ANAPC10: variants seen among roughly 807,000 people sequenced by gnomAD.
ANAPC10 encodes the protein anaphase promoting complex subunit 10.
ANAPC10 carries 12 observed loss-of-function variants against 22.0 expected under a neutral mutation model. The ratio of observed to expected loss-of-function variants is 0.55; its 90% confidence interval spans 0.35 to 0.88. ANAPC10 has a LOEUF of 0.88. Among genes scored for constraint, ANAPC10 ranks in the 40% least tolerant of loss-of-function variants. The probability of loss-of-function intolerance (pLI) is 0.01; values close to 1 mark genes in which losing one functional copy is unlikely to be tolerated. For synonymous variants in ANAPC10, 65 were observed against 69.5 expected, an observed-to-expected ratio of 0.94 and a Z score of 0.32; for missense variants, 188 against 220.9, an observed-to-expected ratio of 0.85 and a Z score of 0.94.
chr4:145,029,536 T>G (rs967163168), intron 4 of ANAPC10, among the ~76,000 whole-genome samples: 17 of 152,282 alleles, frequency 1.1e-4, no homozygotes, highest in African/African-American at 4.1e-4. Context: ...ATTAAAGGTA[T>G]GGATAATGGT....
chr4:144,995,689 A>G, intron 4 of ANAPC10, 86 bp from the exon 5 acceptor site: 1 of 893,270 alleles, frequency 1.1e-6, no homozygotes, highest in Non-Finnish European at 1.7e-6. Context: ...AAAATAACTT[A>G]TAATTAACAT....
intron 4 of ANAPC10, among the ~76,000 whole-genome samples, chr4:145,001,020 C>G: frequency 6.6e-6 from 1 of 151,258 alleles, no homozygotes; most frequent in East Asian, 1.9e-4. Context: ...CAGGGCCCAC[C>G]CCGGGGCCTG....
intron 2 of ANAPC10, among the ~76,000 whole-genome samples, chr4:145,089,999 AC>A (rs1246064696): frequency 6.6e-6 from 1 of 152,160 alleles, no homozygotes; most frequent in East Asian, 1.9e-4. Context: ...CTTCTACCTA[AC>A]TATACAGCTT....
intron 3 of ANAPC10, among the ~76,000 whole-genome samples, chr4:145,071,388 G>A (rs1477519606): frequency 6.6e-6 from 1 of 152,078 alleles, no homozygotes; most frequent in Non-Finnish European, 1.5e-5. Context: ...CCTGGGCAAC[G>A]AGAGTGAAAC....
intron 4 of ANAPC10, among the ~76,000 whole-genome samples, chr4:145,032,349 G>A (rs1421868405): frequency 6.6e-6 from 1 of 152,232 alleles, no homozygotes; most frequent in East Asian, 1.9e-4. Context: ...TGATTCATGG[G>A]CTGTAGCCAA....
chr4:145,031,180 A>C (rs1737519112), intron 4 of ANAPC10, among the ~76,000 whole-genome samples: 1 of 152,306 alleles, frequency 6.6e-6, no homozygotes, highest in East Asian at 1.9e-4. Context: ...TTTGTGTCAT[A>C]ATCTTATTCG....
At chr4:145,071,283 G>A (rs1262648899) in intron 3 of ANAPC10, among the ~76,000 whole-genome samples, 1 of 152,146 alleles carries the variant, frequency 6.6e-6, no homozygotes, top group Non-Finnish European at 1.5e-5. Context: ...ATGCATGCCT[G>A]TAATCCCAGC....
At chr4:145,092,010 C>A (rs1050073601) in intron 2 of ANAPC10, among the ~76,000 whole-genome samples, 1 of 152,094 alleles carries the variant, frequency 6.6e-6, no homozygotes, top group African/African-American at 2.4e-5. Context: ...GAGAACTACC[C>A]TGCCTCTCCC....
At chr4:145,006,606 G>A (rs531422255) in intron 4 of ANAPC10, among the ~76,000 whole-genome samples, 1 of 152,062 alleles carries the variant, frequency 6.6e-6, no homozygotes, top group South Asian at 2.1e-4. Context: ...ATATCAAATT[G>A]TCATTTTTGT....
chr4:145,065,420 A>G (rs1396381302), intron 3 of ANAPC10, among the ~76,000 whole-genome samples: 1 of 152,074 alleles, frequency 6.6e-6, no homozygotes, highest in East Asian at 1.9e-4. Context: ...AACAACTGAT[A>G]GTACTCAAAT....
At chr4:144,997,350 G>A (rs970944547) in intron 4 of ANAPC10, among the ~76,000 whole-genome samples, 1 of 152,156 alleles carries the variant, frequency 6.6e-6, no homozygotes, top group Admixed American at 6.5e-5. Flanking sequence ...AGGTCGGGTT[G>A]CCCACAAAGG....
chr4:145,041,097 T>C (rs1739445931), intron 4 of ANAPC10, among the ~76,000 whole-genome samples: 1 of 152,162 alleles, frequency 6.6e-6, no homozygotes, highest in African/African-American at 2.4e-5. Context: ...TGACTTCTAG[T>C]GGTCCCATAA....
At chr4:145,053,578 T>G (rs1280287103) in intron 4 of ANAPC10, 1 of 425,030 alleles carries the variant, frequency 2.4e-6, no homozygotes, top group Non-Finnish European at 4.2e-6. Flanking sequence ...TACCATCAAC[T>G]ATAATTTCAA....
intron 4 of ANAPC10, among the ~76,000 whole-genome samples, chr4:145,058,286 C>A (rs1184541569): frequency 1.3e-5 from 2 of 152,130 alleles, no homozygotes; most frequent in African/African-American, 2.4e-5. Context: ...CCTTTATGTA[C>A]ATCATGACCC....
At chr4:145,012,609 T>C (rs1180138878) in intron 4 of ANAPC10, among the ~76,000 whole-genome samples, 1 of 152,020 alleles carries the variant, frequency 6.6e-6, no homozygotes, top group Non-Finnish European at 1.5e-5. Context: ...AATGCTAACA[T>C]AAAGAAGTAG....
At chr4:145,056,596 C>T (rs1426396147) in intron 4 of ANAPC10, among the ~76,000 whole-genome samples, 14 of 152,068 alleles carry the variant, frequency 9.2e-5, no homozygotes, top group South Asian at 2.1e-4. Flanking sequence ...ATCTTTCTGG[C>T]GACCACTGAA....
intron 4 of ANAPC10, among the ~76,000 whole-genome samples, chr4:145,016,723 C>G (rs575150153): frequency 1.3e-5 from 2 of 152,294 alleles, no homozygotes; most frequent in Admixed American, 6.5e-5. Flanking sequence ...TCAAACTATA[C>G]TACAAGGCTA....
At chr4:145,013,831 G>T (rs901287168) in intron 4 of ANAPC10, among the ~76,000 whole-genome samples, 2 of 152,132 alleles carry the variant, frequency 1.3e-5, no homozygotes. Context: ...GAAACTGAAG[G>T]TCTCATTTGA....
At chr4:145,064,814 T>C (rs947408112) in intron 3 of ANAPC10, 122 bp from the exon 4 acceptor site, 6 of 829,724 alleles carry the variant, frequency 7.2e-6, no homozygotes, top group Admixed American at 3.0e-5. Flanking sequence ...AACATTTTCA[T>C]ATCTTTTAAT....
Sources: allele counts gnomAD v4.1 joint callset (sites outside exome capture counted in the v4.1 genomes callset), GRCh38; gene constraint gnomAD v4.1.1; transcripts MANE v1.5; gene names NCBI Gene and HGNC (gene_info 2026-07-23, HGNC 2026-07-21).